TIMM9: variants seen among roughly 807,000 people sequenced by gnomAD.
TIMM9 encodes the protein translocase of inner mitochondrial membrane 9, also known as mitochondrial import inner membrane translocase subunit Tim9.
A neutral mutation model predicts 13.4 loss-of-function variants in TIMM9; 10 were observed. The observed-to-expected ratio is 0.75, with a 90% CI of 0.46 to 1.26. The LOEUF (loss-of-function observed/expected upper bound fraction) is 1.26, where lower values mean the gene tolerates loss of function less well. Among genes scored for constraint, TIMM9 ranks in the 50% most tolerant of loss-of-function variants. The pLI is 0.00. For missense variants in TIMM9, 87 were observed against 100.8 expected, an observed-to-expected ratio of 0.86 and a Z score of 0.58; for synonymous variants, 32 against 32.1, an observed-to-expected ratio of 1.00 and a Z score of 0.01.
chr14:58,409,236 T>C, intron 5 of TIMM9, 68 bp from the exon 6 acceptor site: 1 of 1,563,948 alleles, frequency 6.4e-7, no homozygotes, highest in Non-Finnish European at 8.7e-7. Flanking sequence ...GCATGTATTC[T>C]AAAAGAATCA....
Position 58,408,945 on chromosome 14 carries a change from C to A in TIMM9, c.*89G>T. 6.5e-7 allele frequency: 1 copy of A among 1,528,070 alleles called. No homozygotes were observed. Among genetic ancestry groups the A allele is most frequent in the Non-Finnish European group, 8.8e-7 (1 of 1,141,898 alleles). The allele number at this position is 1,528,070 out of a possible 1,614,324, so 94.7% of individuals were successfully genotyped here. A position where few individuals can be genotyped will look rare whatever the true frequency, so the allele number is the denominator to read the frequency against. ...AGATGGTTGAACATGGTGGCTACTG[C>A]TTTCAGGGGATTCTATCAGATGAGT... is the stretch of plus-strand genomic sequence containing the variant. On this transcript the variant is annotated 3_prime_UTR_variant, in exon 6 of 6. Transcript: ENST00000395159.
chr14:58,414,736 C>CAAAAAAAAAAAAAAAA (rs35380721), intron 3 of TIMM9, among the ~76,000 whole-genome samples: 1 of 117,534 alleles, frequency 8.5e-6, no homozygotes, highest in Non-Finnish European at 1.7e-5. Context: ...GACGCCATCT[C>CAAAAAAAAAAAAAAAA]AAAAAAAAAA....
At position 58,410,945 on chromosome 14, in the gene TIMM9, AC is replaced by A; in HGVS notation, c.40-8del. On this transcript the variant is annotated splice_region_variant and splice_polypyrimidine_tract_variant and intron_variant, in intron 4 of 5. Transcript: ENST00000395159. ...TCCCCAGAAATTCCTTAAACTACAAACAAACCAGAATGTTCTTTAGTATTTG... is the reference window on the plus strand; with the variant it reads ...TCCCCAGAAATTCCTTAAACTACAAAAAACCAGAATGTTCTTTAGTATTTG... The A allele has an allele frequency of 1.3e-6, 2 of 1,596,324 alleles. No homozygotes were observed. The highest frequency in any genetic ancestry group is 1.7e-6 in the Non-Finnish European group (2 of 1,169,104).
rs995702836 is a variant in TIMM9, at chr14:58,414,330, T to A, written c.-26-2359A>T. On this transcript the variant is annotated intron_variant, in intron 3 of 5. Transcript: ENST00000395159. ...GTTTAGGACAAAGTGTATGCCACCA[T>A]CACAAAAAAAAATTAACATTCTGCT... 2.6e-5 allele frequency among the ~76,000 whole-genome samples: 4 copies of A among 152,022 alleles called. No individual in the cohort carries two copies. In the South Asian group the frequency reaches 8.3e-4, roughly 32 times the overall value.
chr14:58,415,146 T>TC (rs2036361625), intron 3 of TIMM9, among the ~76,000 whole-genome samples: 1 of 152,078 alleles, frequency 6.6e-6, no homozygotes, highest in South Asian at 2.1e-4. Flanking sequence ...GCCCCTCCCT[T>TC]CAAGTGTCAG....
intron 3 of TIMM9, among the ~76,000 whole-genome samples, chr14:58,419,167 C>G (rs1396686613): frequency 6.6e-6 from 1 of 152,004 alleles, no homozygotes; most frequent in Non-Finnish European, 1.5e-5. Context: ...CCAAAAAACC[C>G]AACTGGCCAG....
intron 3 of TIMM9, among the ~76,000 whole-genome samples, chr14:58,417,590 G>A (rs1378889873): frequency 1.5e-5 from 2 of 136,302 alleles, no homozygotes; most frequent in African/African-American, 2.7e-5. Flanking sequence ...GGAAAGGAGC[G>A]TGGGAGGGAG....
At position 58,424,662 on chromosome 14, in the gene TIMM9, G is replaced by A. The variant is rs148752667; in HGVS notation, c.-114-567C>T. Among the ~76,000 whole-genome samples, 115 of 152,268 alleles carry A rather than the reference G, an allele frequency of 7.6e-4. 1 individual carries two copies. In the East Asian group the frequency reaches 0.011, roughly 14 times the overall value. ...GTGGGTGGATAGCTTGAGCCCAAAA[G>A]TTCTACATCAGCCTGGGCAACATGG... is the stretch of plus-strand genomic sequence containing the variant. On this transcript the variant is annotated intron_variant, in intron 2 of 5. Coordinates refer to ENST00000395159, the MANE Select transcript of TIMM9 (RefSeq NM_012460.4).
chr14:58,426,228 GAC>G (rs1320412642), intron 2 of TIMM9, among the ~76,000 whole-genome samples: 1 of 148,200 alleles, frequency 6.7e-6, no homozygotes, highest in Non-Finnish European at 1.5e-5. Flanking sequence ...TTTTTTTTAA[GAC>G]AGTCTTGATC....
intron 3 of TIMM9, among the ~76,000 whole-genome samples, chr14:58,417,728 A>C (rs949517770): frequency 5.9e-5 from 9 of 152,076 alleles, no homozygotes; most frequent in African/African-American, 9.7e-5. Flanking sequence ...GCACCTAAAA[A>C]AGAAGAGCAA....
chr14:58,426,372 A>G (rs959400458), intron 2 of TIMM9, among the ~76,000 whole-genome samples: 5 of 151,398 alleles, frequency 3.3e-5, no homozygotes, highest in Non-Finnish European at 7.4e-5. Flanking sequence ...TGCCCAGTTA[A>G]TTTTTTGTAT....
At chr14:58,413,038 G>A (rs1403151171) in intron 3 of TIMM9, among the ~76,000 whole-genome samples, 1 of 151,918 alleles carries the variant, frequency 6.6e-6, no homozygotes, top group African/African-American at 2.4e-5. Flanking sequence ...ATACTCAGTC[G>A]AATACATCAA....
At chr14:58,419,010 T>G (rs2036502728) in intron 3 of TIMM9, among the ~76,000 whole-genome samples, 1 of 151,946 alleles carries the variant, frequency 6.6e-6, no homozygotes, top group South Asian at 2.1e-4. Context: ...TAAAACAAAT[T>G]TGAAAAATGA....
At chr14:58,411,656 A>G (rs942116038) in intron 4 of TIMM9, among the ~76,000 whole-genome samples, 2 of 151,438 alleles carry the variant, frequency 1.3e-5, no homozygotes, top group Admixed American at 6.6e-5. Flanking sequence ...CCTGTGCCTC[A>G]GCCTCCCACG....
intron 3 of TIMM9, among the ~76,000 whole-genome samples, chr14:58,422,965 C>T (rs1485031662): frequency 1.3e-5 from 2 of 151,938 alleles, no homozygotes; most frequent in African/African-American, 4.8e-5. Context: ...TGCACTACCA[C>T]ACCTGGCTAA....
chr14:58,408,695 A>G lies in TIMM9; in HGVS notation c.*339T>C. The G allele has an allele frequency of 1.9e-6, 2 of 1,032,962 alleles. No individual in the cohort carries two copies. Among genetic ancestry groups the G allele is most frequent in the Non-Finnish European group, 2.8e-6 (2 of 716,042 alleles). 64.0% of individuals were successfully genotyped at this position (1,032,962 alleles called of 1,614,324 possible). A position where few individuals can be genotyped will look rare whatever the true frequency, so the allele number is the denominator to read the frequency against. On this transcript the variant is annotated 3_prime_UTR_variant, in exon 6 of 6. Transcript: ENST00000395159. ...TACTTTGAGTAATAAAAATTTTTCT[A>G]TCTCATACATGATCGAACACATAAG... is the stretch of plus-strand genomic sequence containing the variant.
In TIMM9 at chr14:58,408,528, G is replaced by C; in HGVS notation, c.*506C>G. ...AAGTAACTATTTTATGTATTCACCA[G>C]CAATTTGAGGCAGACATGAATGAAC... On this transcript the variant is annotated 3_prime_UTR_variant, in exon 6 of 6. Coordinates refer to ENST00000395159, the MANE Select transcript of TIMM9 (RefSeq NM_012460.4). 6.2e-7 allele frequency: 1 copy of C among 1,613,466 alleles called. No individual in the cohort carries two copies. Among genetic ancestry groups the C allele is most frequent in the Non-Finnish European group, 8.5e-7 (1 of 1,179,760 alleles).
In TIMM9 at chr14:58,408,923, T is replaced by C. The variant is rs770342479; in HGVS notation, c.*111A>G. ...CCATTTGCCAAACAGTCATGACAGA[T>C]GGTTGAACATGGTGGCTACTGCTTT... is the stretch of plus-strand genomic sequence containing the variant. On this transcript the variant is annotated 3_prime_UTR_variant, in exon 6 of 6. Transcript: ENST00000395159. 1.7e-5 allele frequency: 25 copies of C among 1,462,566 alleles called. No individual in the cohort carries two copies. Among genetic ancestry groups the C allele is most frequent in the East Asian group, 2.3e-5 (1 of 43,168 alleles). The allele number at this position is 1,462,566 out of a possible 1,614,324, so 90.6% of individuals were successfully genotyped here.
rs141352012 is a variant in TIMM9, at chr14:58,410,077, G to A, written c.135+766C>T. 2.1e-3 allele frequency among the ~76,000 whole-genome samples: 322 copies of A among 151,188 alleles called. 3 individuals are homozygous for A. Among genetic ancestry groups the A allele is most frequent in the Middle Eastern group, 0.01 (3 of 292 alleles). ...GTAGAGATGAGGGCTGGTGCTTTTT[G>A]TTGTTGTTGTTGTTGACAGGGTCTT... On this transcript the variant is annotated intron_variant, in intron 5 of 5. Coordinates refer to ENST00000395159, the MANE Select transcript of TIMM9 (RefSeq NM_012460.4).
Sources: gnomAD v4.1 joint callset for allele counts (sites outside exome capture counted in the v4.1 genomes callset) on GRCh38, gnomAD v4.1.1 for gene constraint, MANE v1.5 for transcripts, NCBI Gene and HGNC (gene_info 2026-07-23, HGNC 2026-07-21) for gene names.